Variants in ZNF516 observed in about 807,000 individuals in gnomAD.
The protein encoded by ZNF516 is zinc finger protein 516.
A neutral mutation model predicts 79.7 loss-of-function variants in ZNF516; 19 were observed. The observed-to-expected ratio is 0.24, with a 90% confidence interval of 0.17 to 0.35. The LOEUF is 0.35. ZNF516 is among the 10% of genes least tolerant of loss of function. The probability of loss-of-function intolerance (pLI) is 1.00; values close to 1 mark genes in which losing one functional copy is unlikely to be tolerated. For missense variants in ZNF516, 1,678 were observed against 1,679.5 expected, an observed-to-expected ratio of 1.00 and a Z score of 0.02; for synonymous variants, 877 against 739.5, an observed-to-expected ratio of 1.19 and a Z score of -3.02.
intron 1 of ZNF516, among the ~76,000 whole-genome samples, chr18:76,483,451 C>T (rs183932101): frequency 2.6e-4 from 39 of 152,340 alleles, no homozygotes; most frequent in Non-Finnish European, 4.6e-4. Flanking sequence ...CTGTGGGAAG[C>T]TCCCTCTCGG....
At chr18:76,388,743 T>C (rs2145118978) in intron 3 of ZNF516, 1 of 152,300 alleles carries the variant, frequency 6.6e-6, no homozygotes, top group Non-Finnish European at 1.5e-5. Flanking sequence ...AAGAGAAAGT[T>C]CTGGCCACGG....
At chr18:76,396,849 G>C (rs543094821) in intron 3 of ZNF516, among the ~76,000 whole-genome samples, 2 of 152,186 alleles carry the variant, frequency 1.3e-5, no homozygotes, top group Non-Finnish European at 2.9e-5. Flanking sequence ...ATATGATGTA[G>C]AAAATGCACG....
rs924500461 is a variant in ZNF516, at chr18:76,361,353, T to G, written c.*1145A>C. On this transcript the variant is annotated 3_prime_UTR_variant, in exon 7 of 7. Transcript: ENST00000443185. ...TTAACCCCCACCACAAAAACTCGCA[T>G]TTGCATTACTGAGGAAGAGGTATAT... is the stretch of plus-strand genomic sequence containing the variant. 2 of 152,228 alleles carry G rather than the reference T, an allele frequency of 1.3e-5. No individual in the cohort carries two copies. Among genetic ancestry groups the G allele is most frequent in the African/African-American group, 4.8e-5 (2 of 41,454 alleles). The allele number at this position is 152,228 out of a possible 1,614,324, so 9.4% of individuals were successfully genotyped here.
intron 1 of ZNF516, chr18:76,491,559 G>GCGGGCGC (rs964155164): frequency 2.0e-5 from 3 of 148,956 alleles, no homozygotes; most frequent in East Asian, 2.0e-4. Context: ...GGGGCGGGGG[G>GCGGGCGC]CGGGCGCCGG....
chr18:76,371,591 G>A lies in ZNF516; in HGVS notation c.3260-20C>T, dbSNP rs1188574055. ...GTGTCCCTGCGGTGGCGAGGTGGTG[G>A]TGGTGGCAGGGCCGTGGTGGGGTTG... On this transcript the variant is annotated intron_variant, in intron 4 of 6. Coordinates refer to ENST00000443185, the MANE Select transcript of ZNF516 (RefSeq NM_014643.4). 1.2e-6 allele frequency: 2 copies of A among 1,602,498 alleles called. No individual in the cohort carries two copies. Among genetic ancestry groups the A allele is most frequent in the Non-Finnish European group, 1.7e-6 (2 of 1,176,526 alleles).
At position 76,437,067 on chromosome 18, in the gene ZNF516, AACACAC is replaced by A. The variant is rs370573337; in HGVS notation, c.1810+4172_1810+4177del. ...GGGTGACAGAGCAAGACCTGTCTAA[AACACAC>A]ACACACACACACACACACACACACA... On this transcript the variant is annotated intron_variant, in intron 3 of 6. Coordinates refer to ENST00000443185, the MANE Select transcript of ZNF516 (RefSeq NM_014643.4). 9.9e-4 allele frequency among the ~76,000 whole-genome samples: 134 copies of A among 135,984 alleles called. 1 individual carries two copies. The highest frequency in any genetic ancestry group is 1.7e-3 in the Non-Finnish European group (108 of 64,772). The allele number at this position is 135,984 out of a possible 152,430, so 89.2% of individuals were successfully genotyped here. A position where few individuals can be genotyped will look rare whatever the true frequency, so the allele number is the denominator to read the frequency against.
intron 1 of ZNF516, among the ~76,000 whole-genome samples, chr18:76,468,083 C>A (rs2145712222): frequency 6.6e-6 from 1 of 152,326 alleles, no homozygotes; most frequent in East Asian, 1.9e-4. Flanking sequence ...CACTTCAGGC[C>A]ACTCAAGGCA....
intron 3 of ZNF516, among the ~76,000 whole-genome samples, chr18:76,398,879 CGT>C (rs978128167): frequency 2.6e-5 from 4 of 152,010 alleles, no homozygotes; most frequent in Admixed American, 6.6e-5. Context: ...ATCCAAATTC[CGT>C]GTCTTTTACA....
Position 76,362,363 on chromosome 18 carries a change from G to A in ZNF516, c.*135C>T. On this transcript the variant is annotated 3_prime_UTR_variant, in exon 7 of 7. Coordinates refer to ENST00000443185, the MANE Select transcript of ZNF516 (RefSeq NM_014643.4). ...CCACTCCAGCGCAGCGGCTCGGGAT[G>A]TGAGGTGTCTGCTCAGGAGTTCCCC... 1 of 736,496 alleles carries A rather than the reference G, an allele frequency of 1.4e-6. No homozygotes were observed. Among genetic ancestry groups the A allele is most frequent in the Non-Finnish European group, 2.2e-6 (1 of 446,602 alleles). 45.6% of individuals were successfully genotyped at this position (736,496 alleles called of 1,614,324 possible). A position where few individuals can be genotyped will look rare whatever the true frequency, so the allele number is the denominator to read the frequency against.
intron 3 of ZNF516, among the ~76,000 whole-genome samples, chr18:76,412,801 T>C (rs933290921): frequency 6.6e-6 from 1 of 152,232 alleles, no homozygotes. Flanking sequence ...ATGGTCCCAC[T>C]GAGTCCTCTC....
At chr18:76,452,481 C>T (rs1436903448) in intron 2 of ZNF516, among the ~76,000 whole-genome samples, 1 of 152,192 alleles carries the variant, frequency 6.6e-6, no homozygotes, top group Non-Finnish European at 1.5e-5. Context: ...CAGCCTTCTC[C>T]GGCTCTGCAC....
At chr18:76,438,319 T>C (rs1188889192) in intron 3 of ZNF516, among the ~76,000 whole-genome samples, 1 of 152,260 alleles carries the variant, frequency 6.6e-6, no homozygotes, top group Non-Finnish European at 1.5e-5. Flanking sequence ...ATATTCGTTT[T>C]TCCTTAGTGA....
Position 76,493,877 on chromosome 18 carries a change from G to C in ZNF516, c.-272+1267C>G, listed in dbSNP as rs1181014051. The stretch of plus-strand genomic sequence containing the variant: ...AATGCAGCAGCAAATGGCTTTTTGT[G>C]CATCTGGATTAAATAAAGCACAGAA... On this transcript the variant is annotated intron_variant, in intron 1 of 6. Coordinates refer to ENST00000443185, the MANE Select transcript of ZNF516 (RefSeq NM_014643.4). This position sits in a 1 kb window ranked among gnomAD's most constrained non-coding sequence, Gnocchi z 5.2. The C allele has an allele frequency of 2.0e-5, 3 of 152,162 alleles. No homozygotes were observed. The highest frequency in any genetic ancestry group is 6.5e-5 in the Admixed American group (1 of 15,278). 9.4% of individuals were successfully genotyped at this position (152,162 alleles called of 1,614,324 possible). A position where few individuals can be genotyped will look rare whatever the true frequency, so the allele number is the denominator to read the frequency against.
chr18:76,436,494 C>T (rs989625065), intron 3 of ZNF516, among the ~76,000 whole-genome samples: 8 of 152,204 alleles, frequency 5.3e-5, no homozygotes, highest in Admixed American at 4.6e-4. Flanking sequence ...GACTTGGCTT[C>T]AGAGAGAGCT....
intron 3 of ZNF516, among the ~76,000 whole-genome samples, chr18:76,385,078 CA>C (rs1352089255): frequency 6.6e-6 from 1 of 152,232 alleles, no homozygotes; most frequent in East Asian, 1.9e-4. Flanking sequence ...CGGGTCCGAG[CA>C]GCCCTAGAGA....
intron 3 of ZNF516, among the ~76,000 whole-genome samples, chr18:76,416,224 G>A (rs1465080932): frequency 6.6e-6 from 1 of 152,186 alleles, no homozygotes; most frequent in Non-Finnish European, 1.5e-5. Context: ...CCACACTTTG[G>A]TCCTCCTTGG....
intron 3 of ZNF516, among the ~76,000 whole-genome samples, chr18:76,405,044 G>A (rs1019561348): frequency 2.2e-4 from 34 of 152,136 alleles, no homozygotes; most frequent in Admixed American, 2.2e-3. Context: ...AAGACCTCAG[G>A]TGCTGGGCCC....
rs767098700 is a variant in ZNF516 at position 76,459,804 on chromosome 18, C to T, written c.-158+3224G>A. ...AGGGCCAACTGCAGGCCCCCGGAGACGAGGTTAGACGGTGGCAGGCAGGCT... is the reference window on the plus strand; with the variant it reads ...AGGGCCAACTGCAGGCCCCCGGAGATGAGGTTAGACGGTGGCAGGCAGGCT... On this transcript the variant is annotated intron_variant, in intron 2 of 6. Transcript: ENST00000443185. The surrounding 1 kb of genome is among the most constrained non-coding windows in gnomAD (Gnocchi z 5.0). Among the ~76,000 whole-genome samples the T allele has an allele frequency of 2.0e-5, 3 of 152,064 alleles. No homozygotes were observed. The highest frequency in any genetic ancestry group is 2.9e-5 in the Non-Finnish European group (2 of 68,004).
chr18:76,385,912 G>C (rs574254714), intron 3 of ZNF516: 1 of 152,190 alleles, frequency 6.6e-6, no homozygotes, highest in Non-Finnish European at 1.5e-5. Context: ...TGCATCCTCC[G>C]GCCAGTTTCC....
Sources: gnomAD v4.1 joint callset for allele counts (sites outside exome capture counted in the v4.1 genomes callset) on GRCh38, gnomAD v4.1.1 for gene constraint, Gnocchi (gnomAD v3.1) non-coding constraint, MANE v1.5 for transcripts, NCBI Gene and HGNC (gene_info 2026-07-23, HGNC 2026-07-21) for gene names.